The following PHTF1 variants were observed in gnomAD, a reference collection of about 807,000 sequenced individuals.
The protein encoded by PHTF1 is putative homeodomain transcription factor 1.
In PHTF1, 88 loss-of-function variants were observed where a neutral mutation model predicts 102.4. The ratio of observed to expected loss-of-function variants is 0.86; its 90% CI spans 0.72 to 1.03. The LOEUF (loss-of-function observed/expected upper bound fraction) is 1.03, where lower values mean the gene tolerates loss of function less well. Among genes scored for constraint, PHTF1 ranks in the 50% least tolerant of loss-of-function variants. The probability of loss-of-function intolerance (pLI) is 0.00; values close to 1 mark genes in which losing one functional copy is unlikely to be tolerated. For missense variants in PHTF1, 814 were observed against 909.5 expected, an observed-to-expected ratio of 0.89 and a Z score of 1.35; for synonymous variants, 289 against 305.2, an observed-to-expected ratio of 0.95 and a Z score of 0.55.
At chr1:113,699,092 A>C (rs1294533307) in intron 17 of PHTF1, 1 of 162,546 alleles carries the variant, frequency 6.2e-6, no homozygotes, top group Non-Finnish European at 1.3e-5. Context: ...GTCAAAGTGC[A>C]GCAGTGGTGG....
At chr1:113,741,839 C>T (rs1290974715) in intron 3 of PHTF1, among the ~76,000 whole-genome samples, 1 of 152,084 alleles carries the variant, frequency 6.6e-6, no homozygotes, top group East Asian at 1.9e-4. Context: ...CAGGAAAATA[C>T]CCTCTGAATC....
chr1:113,739,013 G>A (rs901714101), intron 3 of PHTF1, among the ~76,000 whole-genome samples: 9 of 151,908 alleles, frequency 5.9e-5, no homozygotes, highest in East Asian at 3.9e-4. Flanking sequence ...CATTAAGCCC[G>A]GCTAATTTTT....
chr1:113,722,254 A>G (rs1274670271), intron 7 of PHTF1, among the ~76,000 whole-genome samples: 2 of 151,884 alleles, frequency 1.3e-5, no homozygotes, highest in Non-Finnish European at 2.9e-5. Context: ...GATCGAGACC[A>G]TGGTGAAACC....
At chr1:113,727,051 T>C (rs1653957479) in intron 5 of PHTF1, among the ~76,000 whole-genome samples, 2 of 152,010 alleles carry the variant, frequency 1.3e-5, no homozygotes, top group South Asian at 4.1e-4. Flanking sequence ...TGTATATATA[T>C]ATATATATGA....
intron 7 of PHTF1, among the ~76,000 whole-genome samples, chr1:113,723,388 G>A (rs1388227969): frequency 2.6e-5 from 4 of 152,152 alleles, no homozygotes; most frequent in African/African-American, 4.8e-5. Context: ...ATGTTGGCCA[G>A]GCTGGTCTTG....
intron 7 of PHTF1, among the ~76,000 whole-genome samples, chr1:113,715,793 T>A (rs915259972): frequency 1.0e-4 from 15 of 145,808 alleles, no homozygotes; most frequent in Non-Finnish European, 4.5e-5. Context: ...ATCAAACAAA[T>A]TCTGGAGCTG....
At chr1:113,726,154 A>C (rs1372728284) in intron 6 of PHTF1, among the ~76,000 whole-genome samples, 2 of 152,140 alleles carry the variant, frequency 1.3e-5, no homozygotes, top group African/African-American at 2.4e-5. Context: ...ATATATGATA[A>C]ATTTTATAAA....
intron 7 of PHTF1, 128 bp from the exon 8 acceptor site, chr1:113,713,566 G>C: frequency 1.6e-6 from 1 of 620,992 alleles, no homozygotes; most frequent in Non-Finnish European, 2.8e-6. Flanking sequence ...TATTTTTCAG[G>C]ACTTTAGCTT....
Position 113,712,008 on chromosome 1 carries a change from C to T in PHTF1, c.889G>A (p.Ala297Thr). Residue 297 changes from alanine (A) to threonine (T), a missense_variant, in exon 9 of 19, where the codon GCC becomes ACC. Coordinates refer to ENST00000369604, the MANE Select transcript of PHTF1 (RefSeq NM_001323043.2). ...MILLRRSVEG[A>T]SSDNGCEVKN... is the part of the protein sequence containing the mutation. ...ACTTCACAACCATTGTCACTTGAGG[C>T]CCCTTCCACACTCCTACGCAATAAT... 6.2e-7 allele frequency: 1 copy of T among 1,613,868 alleles called. No individual in the cohort carries two copies. Among genetic ancestry groups the T allele is most frequent in the Non-Finnish European group, 8.5e-7 (1 of 1,179,780 alleles).
At chr1:113,748,239 A>G (rs143089928) in intron 3 of PHTF1, among the ~76,000 whole-genome samples, 3,532 of 152,232 alleles carry the variant, frequency 0.023, 144 homozygotes, top group African/African-American at 0.08. Flanking sequence ...TCAGCCTCCC[A>G]AAGTGCTAGG....
At chr1:113,717,881 T>C (rs1037708470) in intron 7 of PHTF1, among the ~76,000 whole-genome samples, 1 of 152,102 alleles carries the variant, frequency 6.6e-6, no homozygotes, top group African/African-American at 2.4e-5. Flanking sequence ...GGAGATACAA[T>C]TCAAGTTGAG....
At position 113,704,117 on chromosome 1, in the gene PHTF1, T is replaced by C; in HGVS notation, c.1854A>G (p.Leu618=). ...SVDVVVSSVF[L]LTLSIAFICC... ...AAATGAAAGCAATCGAAAGTGTCAG[T>C]AGGAAAACCGAGGATACAACCACAT... is the stretch of plus-strand genomic sequence containing the variant. Residue 618 remains leucine, a synonymous_variant, in exon 15 of 19, where the codon CTA becomes CTG. Coordinates refer to ENST00000369604, the MANE Select transcript of PHTF1 (RefSeq NM_001323043.2). The C allele has an allele frequency of 1.9e-6, 3 of 1,613,514 alleles. No homozygotes were observed. Among genetic ancestry groups the C allele is most frequent in the African/African-American group, 1.3e-5 (1 of 74,982 alleles).
At chr1:113,708,489 G>A (rs1650549066) in intron 11 of PHTF1, among the ~76,000 whole-genome samples, 1 of 152,154 alleles carries the variant, frequency 6.6e-6, no homozygotes, top group South Asian at 2.1e-4. Context: ...AGCCAGGTGT[G>A]GTGGCAGGCG....
rs1649877904 is a variant in PHTF1 at position 113,704,766 on chromosome 1, A to T, written c.1703T>A (p.Ile568Asn). 1 of 1,596,190 alleles carries T rather than the reference A, an allele frequency of 6.3e-7. No individual in the cohort carries two copies. The highest frequency in any genetic ancestry group is 1.3e-5 in the African/African-American group (1 of 74,548). ...TTTCCTAGCTTTCCTGGCAGAAGTA[A>T]TATGGCTGAAGAGTTTTGCAAATAA... is the stretch of plus-strand genomic sequence containing the variant. ...RFLFAKLFSHITSARKARKYE... is the reference protein window; with the variant it reads ...RFLFAKLFSHNTSARKARKYE... Residue 568 changes from isoleucine (I) to asparagine (N), a missense_variant, in exon 14 of 19, where the codon ATT (isoleucine) becomes AAT (asparagine). Transcript: ENST00000369604.
In PHTF1 at chr1:113,724,878, A is replaced by G; in HGVS notation, c.504T>C (p.Thr168=). Residue 168 remains threonine, a synonymous_variant, in exon 7 of 19, where the codon ACT becomes ACC. Coordinates refer to ENST00000369604, the MANE Select transcript of PHTF1 (RefSeq NM_001323043.2). ...TTTCTCGGCTCCCATCACCATTTAC[A>G]GTTTTTCGTAATTTTCTACAAAAAA... ...GNRRRRKLRK[T]VNGDGSRENG... 1 of 1,595,522 alleles carries G rather than the reference A, an allele frequency of 6.3e-7. No homozygotes were observed. The highest frequency in any genetic ancestry group is 8.5e-7 in the Non-Finnish European group (1 of 1,173,496).
At chr1:113,706,280 T>C (rs1571093223) in intron 12 of PHTF1, 118 bp from the exon 13 acceptor site, 1 of 898,062 alleles carries the variant, frequency 1.1e-6, no homozygotes, top group Non-Finnish European at 1.7e-6. Flanking sequence ...TAAATACAAA[T>C]GACATACAGA....
chr1:113,734,921 T>G (rs779034708), intron 5 of PHTF1, among the ~76,000 whole-genome samples: 1 of 152,210 alleles, frequency 6.6e-6, no homozygotes, highest in Non-Finnish European at 1.5e-5. Context: ...TCTGGCACCT[T>G]GATCCTGGAC....
chr1:113,704,279 G>C, intron 14 of PHTF1, 112 bp from the exon 15 acceptor site: 1 of 578,860 alleles, frequency 1.7e-6, no homozygotes, highest in South Asian at 3.3e-5. Flanking sequence ...ATGTTTATAA[G>C]AAGTTTCTGA....
chr1:113,707,000 T>G (rs1470134073), intron 11 of PHTF1, among the ~76,000 whole-genome samples: 1 of 151,892 alleles, frequency 6.6e-6, no homozygotes, highest in African/African-American at 2.4e-5. Flanking sequence ...CCACCATGGC[T>G]CGCTAGGTCC....
Sources: allele counts gnomAD v4.1 joint callset (sites outside exome capture counted in the v4.1 genomes callset), GRCh38; gene constraint gnomAD v4.1.1; transcripts MANE v1.5; gene names NCBI Gene and HGNC (gene_info 2026-07-23, HGNC 2026-07-21).